Variants in ZFP2 observed in about 807,000 individuals in gnomAD.
ZFP2 encodes the protein zinc finger protein ZFP2.
ZFP2 carries 33 observed loss-of-function variants against 36.1 expected under a neutral mutation model. The observed-to-expected ratio is 0.92, with a 90% CI of 0.69 to 1.22. The LOEUF (loss-of-function observed/expected upper bound fraction) is 1.22. ZFP2 is among the 50% of genes most tolerant of loss of function. The pLI is 0.00. For missense variants in ZFP2, 522 were observed against 551.4 expected, an observed-to-expected ratio of 0.95 and a Z score of 0.53; for synonymous variants, 170 against 178.0, an observed-to-expected ratio of 0.96 and a Z score of 0.36.
At chr5:178,905,896 T>C (rs1344055224) in intron 1 of ZFP2, among the ~76,000 whole-genome samples, 1 of 151,978 alleles carries the variant, frequency 6.6e-6, no homozygotes, top group Non-Finnish European at 1.5e-5. Flanking sequence ...GGACCACAGG[T>C]GCACACTACC....
intron 1 of ZFP2, among the ~76,000 whole-genome samples, chr5:178,899,725 A>C (rs1038100762): frequency 6.6e-6 from 1 of 152,166 alleles, no homozygotes. Context: ...TGAGGATTCC[A>C]GGCTTCTCTG....
At position 178,931,233 on chromosome 5, in the gene ZFP2, TCAGAC is replaced by T; in HGVS notation, c.-77-3_-76del. On this transcript the variant is annotated splice_acceptor_variant and splice_polypyrimidine_tract_variant and 5_prime_UTR_variant and intron_variant, in exon 5 of 5. Coordinates refer to ENST00000361362, the MANE Select transcript of ZFP2 (RefSeq NM_030613.4). LOFTEE classifies it low-confidence loss of function (5UTR_SPLICE). ...TGTGCATTTGAATTTTTTTTTTTTT[TCAGAC>T]TGGGAGACAAGACTTGAAACCAAAG... The T allele has an allele frequency of 2.7e-6, 4 of 1,498,602 alleles. No homozygotes were observed. The highest frequency in any genetic ancestry group is 1.9e-4 in the Middle Eastern group (1 of 5,302). 92.8% of individuals were successfully genotyped at this position (1,498,602 alleles called of 1,614,324 possible).
chr5:178,927,662 AATGT>A (rs1405742872), intron 4 of ZFP2, among the ~76,000 whole-genome samples: 17 of 100,850 alleles, frequency 1.7e-4, no homozygotes, highest in African/African-American at 6.3e-4. Context: ...ATACCTGGCC[AATGT>A]GTGTGTGTGT....
intron 3 of ZFP2, chr5:178,915,656 C>T (rs1016619718): frequency 1.3e-5 from 2 of 151,566 alleles, no homozygotes; most frequent in South Asian, 2.1e-4. Context: ...GTATTTTGCT[C>T]ATCATTTTCC....
rs779000096 is a variant in ZFP2 at position 178,912,403 on chromosome 5, TACCTCCCAAA to T, written c.-449-178_-449-169del. Reference sequence around the variant, plus strand: ...CACTTATACCTACTCTTCCTGTCCTTACCTCCCAAAACACTTTTTATATTATGTCTCTGGT... The same window carrying T: ...CACTTATACCTACTCTTCCTGTCCTTACACTTTTTATATTATGTCTCTGGT... On this transcript the variant is annotated intron_variant, in intron 1 of 4. Coordinates refer to ENST00000361362, the MANE Select transcript of ZFP2 (RefSeq NM_030613.4). Among the ~76,000 whole-genome samples the T allele has an allele frequency of 1.4e-3, 219 of 152,302 alleles. 1 individual carries two copies. Among genetic ancestry groups the T allele is most frequent in the Non-Finnish European group, 7.1e-4 (48 of 68,026 alleles).
At position 178,931,411 on chromosome 5, in the gene ZFP2, G is replaced by A. The variant is rs1248662144; in HGVS notation, c.98G>A (p.Gly33Glu). Residue 33 changes from glycine to glutamate, a missense_variant, in exon 5 of 5, where the codon GGA (glycine) becomes GAA (glutamate). Physicochemically the swap from Gly to Glu is moderately conservative, Grantham distance 98. Transcript: ENST00000361362. ...GQQDSHLSQVGVTHKETFTEM... is the reference protein window; with the variant it reads ...GQQDSHLSQVEVTHKETFTEM... ...CAGGATAGTCATCTGAGCCAAGTGGGAGTTACCCATAAGGAAACCTTCACT... is the reference window on the plus strand; with the variant it reads ...CAGGATAGTCATCTGAGCCAAGTGGAAGTTACCCATAAGGAAACCTTCACT... 6.2e-7 allele frequency: 1 copy of A among 1,614,114 alleles called. No individual in the cohort carries two copies. Among genetic ancestry groups the A allele is most frequent in the African/African-American group, 1.3e-5 (1 of 75,026 alleles).
At chr5:178,917,702 TAGAG>T (rs1758469897) in intron 4 of ZFP2, among the ~76,000 whole-genome samples, 1 of 152,214 alleles carries the variant, frequency 6.6e-6, no homozygotes. Context: ...TGTACATATA[TAGAG>T]AAACATACAC....
intron 4 of ZFP2, among the ~76,000 whole-genome samples, chr5:178,917,547 G>T (rs1758461592): frequency 6.6e-6 from 1 of 152,020 alleles, no homozygotes; most frequent in Non-Finnish European, 1.5e-5. Context: ...CCCGGGAGGT[G>T]GAAGTTGCAG....
intron 4 of ZFP2, among the ~76,000 whole-genome samples, chr5:178,925,107 T>TTATA (rs766110848): frequency 0.031 from 3,369 of 109,800 alleles, 135 homozygotes; most frequent in African/African-American, 0.073. Flanking sequence ...AATTGAATCT[T>TTATA]TATATATATA....
At position 178,907,023 on chromosome 5, in the gene ZFP2, TCTAA is replaced by T. The variant is rs1469640211; in HGVS notation, c.-449-5558_-449-5555del. Among the ~76,000 whole-genome samples the T allele has an allele frequency of 2.0e-5, 3 of 152,200 alleles. No individual in the cohort carries two copies. In the East Asian group the frequency reaches 5.8e-4, roughly 29 times the overall value. ...AAATGGAAAAATAACAGGAGGATCCTCTAACTGAAACCAGGTAGGACCAGAGTCA... is the reference window on the plus strand; with the variant it reads ...AAATGGAAAAATAACAGGAGGATCCTCTGAAACCAGGTAGGACCAGAGTCA... On this transcript the variant is annotated intron_variant, in intron 1 of 4. Transcript: ENST00000361362.
chr5:178,903,118 A>G (rs1481019099), intron 1 of ZFP2, among the ~76,000 whole-genome samples: 1 of 152,224 alleles, frequency 6.6e-6, no homozygotes, highest in East Asian at 1.9e-4. Context: ...ATGTTGAGAA[A>G]TAAAGTGTAA....
chr5:178,907,591 C>T (rs1758193011), intron 1 of ZFP2, among the ~76,000 whole-genome samples: 1 of 148,796 alleles, frequency 6.7e-6, no homozygotes. Context: ...TCTGCCTTTG[C>T]CAGACAAGTA....
chr5:178,898,844 T>C (rs749753202), intron 1 of ZFP2, among the ~76,000 whole-genome samples: 9 of 152,224 alleles, frequency 5.9e-5, no homozygotes, highest in Non-Finnish European at 1.0e-4. Flanking sequence ...CTGGATACCC[T>C]GGCCTGCTGT....
intron 4 of ZFP2, among the ~76,000 whole-genome samples, chr5:178,925,900 T>A (rs1758658497): frequency 6.7e-6 from 1 of 149,142 alleles, no homozygotes; most frequent in Non-Finnish European, 1.5e-5. Context: ...CAGGCTGAAG[T>A]GCAGTAGCAT....
rs1458109187 is a variant in ZFP2, at chr5:178,932,085, A to G, written c.772A>G (p.Ile258Val). The change falls in exon 5 of 5, where the codon ATT (isoleucine) becomes GTT (valine). Residue 258 changes from isoleucine (I) to valine (V), a missense_variant. By Grantham distance (29) the Ile-to-Val change is conservative (BLOSUM62 3). Coordinates refer to ENST00000361362, the MANE Select transcript of ZFP2 (RefSeq NM_030613.4). The part of the protein sequence containing the change: ...GKAFSQSMHL[I>V]VHQRSHTGEK... ...AGCCTTCAGTCAAAGCATGCATCTT[A>G]TTGTACATCAGAGAAGCCATACTGG... 3.1e-6 allele frequency: 5 copies of G among 1,614,106 alleles called. No individual in the cohort carries two copies. Among genetic ancestry groups the G allele is most frequent in the Non-Finnish European group, 4.2e-6 (5 of 1,180,008 alleles).
intron 1 of ZFP2, among the ~76,000 whole-genome samples, chr5:178,896,183 C>T (rs1172456073): frequency 6.6e-6 from 1 of 152,174 alleles, no homozygotes. Context: ...CAGGAGCTGG[C>T]GGCGGGAGCA....
chr5:178,932,917 G>C lies in ZFP2; in HGVS notation c.*218G>C. 1.8e-6 allele frequency: 1 copy of C among 551,600 alleles called. No homozygotes were observed. The allele number at this position is 551,600 out of a possible 1,614,324, so 34.2% of individuals were successfully genotyped here. On this transcript the variant is annotated 3_prime_UTR_variant, in exon 5 of 5. Transcript: ENST00000361362. Reference sequence around the variant, plus strand: ...TCCTTTATATCAGAAGGTTTAAATAGCTAATATAAACAATGAAGAGTCATG... The same window carrying C: ...TCCTTTATATCAGAAGGTTTAAATACCTAATATAAACAATGAAGAGTCATG...
intron 4 of ZFP2, among the ~76,000 whole-genome samples, chr5:178,920,249 T>G (rs1347403255): frequency 1.3e-5 from 2 of 152,206 alleles, no homozygotes; most frequent in African/African-American, 2.4e-5. Flanking sequence ...TTAATCTGTC[T>G]TCAAGTTAAT....
chr5:178,926,312 A>G (rs899221824), intron 4 of ZFP2, among the ~76,000 whole-genome samples: 1 of 151,904 alleles, frequency 6.6e-6, no homozygotes, highest in African/African-American at 2.4e-5. Context: ...CAAACTTAAT[A>G]TTTTCTGTGT....
Sources: gnomAD v4.1 joint callset for allele counts (sites outside exome capture counted in the v4.1 genomes callset) on GRCh38, gnomAD v4.1.1 for gene constraint, MANE v1.5 for transcripts, NCBI Gene and HGNC (gene_info 2026-07-23, HGNC 2026-07-21) for gene names.